The following SUFU variants were observed in gnomAD, a reference collection of about 807,000 sequenced individuals.
The protein encoded by SUFU is SUFU negative regulator of hedgehog signaling.
In SUFU, 7 loss-of-function variants were observed where a neutral mutation model predicts 58.9. That is an observed-to-expected ratio of 0.12 (90% CI 0.07 to 0.22). The LOEUF (loss-of-function observed/expected upper bound fraction) is 0.22. Among genes scored for constraint, SUFU ranks in the 10% least tolerant of loss-of-function variants. SUFU has a pLI of 1.00. For missense variants in SUFU, 451 were observed against 641.3 expected (o/e 0.70, Z 3.20); for synonymous variants, 232 against 254.8 (o/e 0.91, Z 0.85).
chr10:102,583,192 CTG>C (rs2063300741), intron 3 of SUFU, among the ~76,000 whole-genome samples: 1 of 152,192 alleles, frequency 6.6e-6, no homozygotes, highest in Non-Finnish European at 1.5e-5. Context: ...TGCTTGAAAA[CTG>C]TGACCAGGGC....
At chr10:102,592,140 A>C (rs2063409116) in intron 3 of SUFU, among the ~76,000 whole-genome samples, 1 of 152,122 alleles carries the variant, frequency 6.6e-6, no homozygotes, top group Non-Finnish European at 1.5e-5. Flanking sequence ...CAACATAGGA[A>C]TTTCGGTCTG....
chr10:102,569,416 T>A (rs1030031558), intron 3 of SUFU, among the ~76,000 whole-genome samples: 2 of 152,070 alleles, frequency 1.3e-5, no homozygotes, highest in African/African-American at 4.8e-5. Flanking sequence ...ATTAAGGAAG[T>A]TCTTTGAGGC....
At chr10:102,565,277 C>T (rs980294251) in intron 3 of SUFU, among the ~76,000 whole-genome samples, 1 of 152,154 alleles carries the variant, frequency 6.6e-6, no homozygotes, top group Non-Finnish European at 1.5e-5. Flanking sequence ...GAATGTTTTC[C>T]ACTTCTGAAT....
intron 2 of SUFU, among the ~76,000 whole-genome samples, chr10:102,516,243 T>C (rs924468983): frequency 6.6e-6 from 1 of 150,694 alleles, no homozygotes; most frequent in African/African-American, 2.4e-5. Context: ...CCCGGCTAAT[T>C]TTTTATTTTT....
chr10:102,607,914 CAAA>C (rs1183038612), intron 8 of SUFU, among the ~76,000 whole-genome samples: 1 of 114,036 alleles, frequency 8.8e-6, no homozygotes, highest in Non-Finnish European at 1.9e-5. Flanking sequence ...CCATCTCAAA[CAAA>C]AAAAAAAAGA....
At chr10:102,533,979 G>T (rs1282576826) in intron 2 of SUFU, among the ~76,000 whole-genome samples, 2 of 152,238 alleles carry the variant, frequency 1.3e-5, no homozygotes, top group Non-Finnish European at 2.9e-5. Flanking sequence ...ACTGAGTTTG[G>T]ATTTGTGTAG....
intron 3 of SUFU, among the ~76,000 whole-genome samples, chr10:102,575,528 C>T (rs2063204730): frequency 6.6e-6 from 1 of 152,140 alleles, no homozygotes; most frequent in Non-Finnish European, 1.5e-5. Flanking sequence ...AGTTTCTACC[C>T]CCATTGTCCA....
chr10:102,613,530 C>T (rs1011809420), intron 8 of SUFU, among the ~76,000 whole-genome samples: 10 of 152,254 alleles, frequency 6.6e-5, no homozygotes, highest in Non-Finnish European at 1.0e-4. Context: ...CAGGCCCCAG[C>T]ACCTAGCCCC....
At chr10:102,584,672 GC>G (rs1160435434) in intron 3 of SUFU, among the ~76,000 whole-genome samples, 6 of 152,040 alleles carry the variant, frequency 3.9e-5, no homozygotes, top group Admixed American at 2.0e-4. Flanking sequence ...ACGCTAATTT[GC>G]CATTAATTTT....
Position 102,509,203 on chromosome 10 carries a change from A to C in SUFU, c.217A>C (p.Met73Leu), listed in dbSNP as rs1183694060. The C allele has an allele frequency of 1.9e-6, 3 of 1,614,068 alleles. No individual in the cohort carries two copies. The highest frequency in any genetic ancestry group is 2.7e-5 in the African/African-American group (2 of 74,932). Residue 73 changes from methionine to leucine, a missense_variant, in exon 2 of 12, where the codon ATG (methionine) becomes CTG (leucine). Transcript: ENST00000369902. ...CCCAGACCCCTTGGACTATGTTAGCATGTACAGGAATGTGGGGAGCCCTTC... is the reference window on the plus strand; with the variant it reads ...CCCAGACCCCTTGGACTATGTTAGCCTGTACAGGAATGTGGGGAGCCCTTC... ...GGPDPLDYVS[M>L]YRNVGSPSAN...
rs766508656 is a variant in SUFU at position 102,617,322 on chromosome 10, A to G, written c.1190A>G (p.Tyr397Cys). The change falls in exon 10 of 12, where the codon TAT (tyrosine) becomes TGT (cysteine). Residue 397 changes from tyrosine to cysteine, a missense_variant. Tyr to Cys is a radical substitution (Grantham distance 194, BLOSUM62 -2). Transcript: ENST00000369902. The surrounding 1 kb of genome is among the most constrained non-coding windows in gnomAD (Gnocchi z 4.4). Reference sequence around the variant, plus strand: ...CTCCTGCATGGACGGCACTTTACATATAAAAGTATCACAGGTGACATGGCC... The same window carrying G: ...CTCCTGCATGGACGGCACTTTACATGTAAAAGTATCACAGGTGACATGGCC... ...GRLLHGRHFT[Y>C]KSITGDMAIT... The G allele has an allele frequency of 2.5e-6, 4 of 1,614,088 alleles. No homozygotes were observed. In the African/African-American group the frequency reaches 5.3e-5, roughly 22 times the overall value.
Position 102,619,803 on chromosome 10 carries a change from G to T in SUFU, c.1296+2375G>T, listed in dbSNP as rs1463746888. Among the ~76,000 whole-genome samples, 2 of 152,178 alleles carry T rather than the reference G, an allele frequency of 1.3e-5. No homozygotes were observed. The highest frequency in any genetic ancestry group is 2.4e-5 in the African/African-American group (1 of 41,440). Reference sequence around the variant, plus strand: ...TGGGAACCTGGGCTTGTAATTACTTGTGGGCCTCTAGATCTCCCTCTGGGG... The same window carrying T: ...TGGGAACCTGGGCTTGTAATTACTTTTGGGCCTCTAGATCTCCCTCTGGGG... On this transcript the variant is annotated intron_variant, in intron 10 of 11. Coordinates refer to ENST00000369902, the MANE Select transcript of SUFU (RefSeq NM_016169.4). This position sits in a 1 kb window ranked among gnomAD's most constrained non-coding sequence, Gnocchi z 4.2.
intron 3 of SUFU, among the ~76,000 whole-genome samples, chr10:102,557,416 C>G (rs1040956907): frequency 6.6e-6 from 1 of 151,906 alleles, no homozygotes. Flanking sequence ...TGAAACCCCA[C>G]AGGGGTAGAG....
In SUFU at chr10:102,518,515, G is replaced by GTCTA. The variant is rs534274959; in HGVS notation, c.317+9215_317+9216insATCT. ...AAGCTATCTATCTAACTGTCTGTCT[G>GTCTA]TCTGTCTATCTATCTATCTATCTAT... On this transcript the variant is annotated intron_variant, in intron 2 of 11. Coordinates refer to ENST00000369902, the MANE Select transcript of SUFU (RefSeq NM_016169.4). Among the ~76,000 whole-genome samples, 306 of 114,218 alleles carry GTCTA rather than the reference G, an allele frequency of 2.7e-3. 2 individuals are homozygous for GTCTA. In the Middle Eastern group the frequency reaches 0.032, roughly 12 times the overall value. The allele number at this position is 114,218 out of a possible 152,430, so 74.9% of individuals were successfully genotyped here. A position where few individuals can be genotyped will look rare whatever the true frequency, so the allele number is the denominator to read the frequency against.
In SUFU at chr10:102,532,467, G is replaced by C. The variant is rs1316373374; in HGVS notation, c.318-17503G>C. On this transcript the variant is annotated intron_variant, in intron 2 of 11. Transcript: ENST00000369902. ...ATAGCTCATCTGAGTGCTATGCTTA[G>C]GTCCTCCTAAGGCTGTGGTCAGAGT... 2.0e-5 allele frequency among the ~76,000 whole-genome samples: 3 copies of C among 152,194 alleles called. No individual in the cohort carries two copies. The East Asian group carries it at 5.8e-4, about 29-fold the overall frequency.
chr10:102,504,072 CG>C lies in SUFU; in HGVS notation c.-80del. On this transcript the variant is annotated 5_prime_UTR_variant, in exon 1 of 12. Coordinates refer to ENST00000369902, the MANE Select transcript of SUFU (RefSeq NM_016169.4). The stretch of plus-strand genomic sequence containing the variant: ...CATCGCCTCGGGGAGTCTCACCCAC[CG>C]AGTCCGCCCGCTGGCCCGTCAGTGC... 6.8e-7 allele frequency: 1 copy of C among 1,474,236 alleles called. No individual in the cohort carries two copies. Among genetic ancestry groups the C allele is most frequent in the Non-Finnish European group, 8.9e-7 (1 of 1,117,334 alleles). 91.3% of individuals were successfully genotyped at this position (1,474,236 alleles called of 1,614,324 possible).
Position 102,599,530 on chromosome 10 carries a change from C to T in SUFU, c.1008C>T (p.Ala336=), listed in dbSNP as rs770049693. 3.1e-6 allele frequency: 5 copies of T among 1,614,136 alleles called. No individual in the cohort carries two copies. The highest frequency in any genetic ancestry group is 4.2e-6 in the Non-Finnish European group (5 of 1,179,998). The change falls in exon 8 of 12, where the codon GCC becomes GCT. Residue 336 remains alanine, a synonymous_variant. Transcript: ENST00000369902. ...PINPQRQNGL[A]HDRAPSRKDS... is the part of the protein sequence containing the mutation. ...ACCCTCAGCGGCAGAATGGCCTCGC[C>T]CACGACCGGGCCCCGTAAGTTCCCC...
Position 102,509,460 on chromosome 10 carries a change from G to A in SUFU, c.317+157G>A, listed in dbSNP as rs2281880. ...ATCTACTCATGCCAAGGTGGTCCTC[G>A]TTAACACCTGATTCCTGCTTATCTA... On this transcript the variant is annotated intron_variant, in intron 2 of 11. Coordinates refer to ENST00000369902, the MANE Select transcript of SUFU (RefSeq NM_016169.4). Among the ~76,000 whole-genome samples the A allele has an allele frequency of 0.46, 70,137 of 151,888 alleles. 17,175 individuals carry two copies. The highest frequency in any genetic ancestry group is 0.61 in the Middle Eastern group (178 of 294).
intron 2 of SUFU, among the ~76,000 whole-genome samples, chr10:102,514,786 T>C (rs4919653): frequency 1 from 152,121 of 152,382 alleles, 75,931 homozygotes; most frequent in East Asian, 1. Context: ...TTTCTGGCTG[T>C]CCCTGGTACC....
Sources: allele counts gnomAD v4.1 joint callset (sites outside exome capture counted in the v4.1 genomes callset), GRCh38; gene constraint gnomAD v4.1.1; non-coding constraint Gnocchi (gnomAD v3.1); transcripts MANE v1.5; gene names NCBI Gene and HGNC (gene_info 2026-07-23, HGNC 2026-07-21).